Variants in STUM observed in about 807,000 individuals in gnomAD.
The protein encoded by STUM is stum, mechanosensory transduction mediator homolog, also known as protein stum homolog.
In STUM, 8 loss-of-function variants were observed where a neutral mutation model predicts 15.3. The ratio of observed to expected loss-of-function variants is 0.52; its 90% CI spans 0.31 to 0.94. STUM has a LOEUF of 0.94. STUM is among the 40% of genes least tolerant of loss of function. STUM has a pLI of 0.05. For synonymous variants in STUM, 78 were observed against 88.7 expected, an observed-to-expected ratio of 0.88 and a Z score of 0.68; for missense variants, 142 against 204.9, an observed-to-expected ratio of 0.69 and a Z score of 1.87.
rs1283344739 is a variant in STUM at position 226,607,665 on chromosome 1, G to A, written c.*5625G>A. ...TGATGCTACCGCAGAGGGCAGAAAG[G>A]TGCCCTGTAGCGTCCACCATGTGTG... On this transcript the variant is annotated 3_prime_UTR_variant, in exon 4 of 4. Coordinates refer to ENST00000366788, the MANE Select transcript of STUM (RefSeq NM_001003665.4). 1 of 152,210 alleles carries A rather than the reference G, an allele frequency of 6.6e-6. No homozygotes were observed. The highest frequency in any genetic ancestry group is 2.4e-5 in the African/African-American group (1 of 41,434). 9.4% of individuals were successfully genotyped at this position (152,210 alleles called of 1,614,324 possible).
chr1:226,574,702 G>A (rs757042766), intron 1 of STUM, among the ~76,000 whole-genome samples: 4 of 152,232 alleles, frequency 2.6e-5, no homozygotes, highest in African/African-American at 4.8e-5. Flanking sequence ...CCAAAGTGAC[G>A]GGTGACCAGG....
intron 2 of STUM, 60 bp downstream of exon 2, chr1:226,597,041 C>T (rs1224917151): frequency 1.3e-6 from 2 of 1,496,002 alleles, no homozygotes; most frequent in Non-Finnish European, 1.9e-6. Flanking sequence ...ACAGGAAGGG[C>T]TTGGGAGACC....
intron 1 of STUM, among the ~76,000 whole-genome samples, chr1:226,585,178 A>T (rs1037292776): frequency 6.6e-6 from 1 of 152,166 alleles, no homozygotes; most frequent in Non-Finnish European, 1.5e-5. Flanking sequence ...TAATTTTTTT[A>T]AAAGGTGGAG....
At chr1:226,597,111 C>T (rs1022822613) in intron 2 of STUM, 130 bp downstream of exon 2, 48 of 894,982 alleles carry the variant, frequency 5.4e-5, no homozygotes, top group African/African-American at 4.8e-4. Context: ...AGGGCTTGCC[C>T]GTGTCCTCTT....
At chr1:226,591,316 T>C (rs1558286319) in intron 1 of STUM, among the ~76,000 whole-genome samples, 1 of 152,214 alleles carries the variant, frequency 6.6e-6, no homozygotes, top group East Asian at 1.9e-4. Flanking sequence ...GTGCACATGA[T>C]AGAAGTCAGT....
At chr1:226,587,093 C>T (rs371561228) in intron 1 of STUM, among the ~76,000 whole-genome samples, 2 of 152,112 alleles carry the variant, frequency 1.3e-5, no homozygotes, top group African/African-American at 2.4e-5. Flanking sequence ...AGTTCTGTAG[C>T]GCAGCTCCCC....
chr1:226,548,973 G>A lies in STUM; in HGVS notation c.69G>A (p.Arg23=). 3 of 1,514,446 alleles carry A rather than the reference G, an allele frequency of 2.0e-6. No individual in the cohort carries two copies. Among genetic ancestry groups the A allele is most frequent in the Non-Finnish European group, 2.6e-6 (3 of 1,132,976 alleles). 93.8% of individuals were successfully genotyped at this position (1,514,446 alleles called of 1,614,324 possible). A position where few individuals can be genotyped will look rare whatever the true frequency, so the allele number is the denominator to read the frequency against. The change falls in exon 1 of 4, where the codon CGG becomes CGA. Residue 23 remains arginine, a synonymous_variant. Coordinates refer to ENST00000366788, the MANE Select transcript of STUM (RefSeq NM_001003665.4). Reference sequence around the variant, plus strand: ...CGGCGGTGGCGGCGGCGGACCCCCGGGGGGCGTCCTCGTCCAGCGGGGTGG... The same window carrying A: ...CGGCGGTGGCGGCGGCGGACCCCCGAGGGGCGTCCTCGTCCAGCGGGGTGG... ...AAAAVAAADP[R]GASSSSGVVV... is the part of the protein sequence containing the mutation.
intron 1 of STUM, among the ~76,000 whole-genome samples, chr1:226,591,256 C>T (rs1002841579): frequency 6.6e-6 from 1 of 152,170 alleles, no homozygotes; most frequent in African/African-American, 2.4e-5. Flanking sequence ...GACCTGTTGT[C>T]ATAGTTTCCT....
In STUM at chr1:226,549,134, G is replaced by T; in HGVS notation, c.202+28G>T. ...AAGACACGGCTGCCGCGACCCTTGCGACCCCCACCCCGCCGCGGGAGGGCG... is the reference window on the plus strand; with the variant it reads ...AAGACACGGCTGCCGCGACCCTTGCTACCCCCACCCCGCCGCGGGAGGGCG... On this transcript the variant is annotated intron_variant, in intron 1 of 3. Coordinates refer to ENST00000366788, the MANE Select transcript of STUM (RefSeq NM_001003665.4). This position sits in a 1 kb window ranked among gnomAD's most constrained non-coding sequence, Gnocchi z 6.8. 1 of 1,553,074 alleles carries T rather than the reference G, an allele frequency of 6.4e-7. No individual in the cohort carries two copies. Among genetic ancestry groups the T allele is most frequent in the Non-Finnish European group, 8.7e-7 (1 of 1,148,592 alleles).
chr1:226,555,733 A>T (rs936663329), intron 1 of STUM, among the ~76,000 whole-genome samples: 8 of 152,186 alleles, frequency 5.3e-5, no homozygotes, highest in Non-Finnish European at 2.9e-5. Context: ...AGTGAGTCGG[A>T]TTGTGTCACT....
At chr1:226,599,037 C>T (rs58677448) in intron 2 of STUM, among the ~76,000 whole-genome samples, 5,196 of 152,202 alleles carry the variant, frequency 0.034, 97 homozygotes, top group South Asian at 0.05. Flanking sequence ...TGCCGGGAAA[C>T]TCCCATTTTT....
At chr1:226,568,566 T>TAGCAGGC (rs750301895) in intron 1 of STUM, among the ~76,000 whole-genome samples, 2 of 152,206 alleles carry the variant, frequency 1.3e-5, no homozygotes, top group Non-Finnish European at 2.9e-5. Context: ...AAAGCATCAG[T>TAGCAGGC]AGCAGGCAGC....
intron 1 of STUM, among the ~76,000 whole-genome samples, chr1:226,578,626 G>A (rs1005981029): frequency 7.2e-5 from 11 of 152,102 alleles, no homozygotes; most frequent in Non-Finnish European, 1.3e-4. Flanking sequence ...GCCTCCCAAA[G>A]TGCTGGGATT....
rs1668402685 is a variant in STUM, at chr1:226,608,824, C to T, written c.*6784C>T. 6.6e-6 allele frequency: 1 copy of T among 152,380 alleles called. No homozygotes were observed. The highest frequency in any genetic ancestry group is 1.5e-5 in the Non-Finnish European group (1 of 68,160). 9.4% of individuals were successfully genotyped at this position (152,380 alleles called of 1,614,324 possible). ...CCTGCAGCCTGGGGCCCCAGCCCGC[C>T]TGCAGCTCAGCTTTCCCCAACACCC... On this transcript the variant is annotated 3_prime_UTR_variant, in exon 4 of 4. Coordinates refer to ENST00000366788, the MANE Select transcript of STUM (RefSeq NM_001003665.4). This position sits in a 1 kb window ranked among gnomAD's most constrained non-coding sequence, Gnocchi z 4.0.
intron 1 of STUM, among the ~76,000 whole-genome samples, chr1:226,594,053 G>A (rs1308644852): frequency 3.3e-5 from 5 of 152,216 alleles, no homozygotes; most frequent in African/African-American, 4.8e-5. Context: ...ATGAGATGCC[G>A]CCTGAGACCT....
At chr1:226,594,665 T>C (rs1325580140) in intron 1 of STUM, among the ~76,000 whole-genome samples, 10 of 152,174 alleles carry the variant, frequency 6.6e-5, no homozygotes, top group Non-Finnish European at 2.9e-5. Context: ...GATTTTTTTT[T>C]TCTTTTGAGA....
rs1392112312 is a variant in STUM, at chr1:226,604,031, C to G, written c.*1991C>G. 3 of 152,384 alleles carry G rather than the reference C, an allele frequency of 2.0e-5. No homozygotes were observed. The highest frequency in any genetic ancestry group is 4.4e-5 in the Non-Finnish European group (3 of 68,198). 9.4% of individuals were successfully genotyped at this position (152,384 alleles called of 1,614,324 possible). On this transcript the variant is annotated 3_prime_UTR_variant, in exon 4 of 4. Transcript: ENST00000366788. The surrounding 1 kb of genome is among the most constrained non-coding windows in gnomAD (Gnocchi z 4.7). ...CTCTACTCAGATAAAATAGCTTCAG[C>G]TGCAGGAAGCCGCCCCCTCCCATGC...
intron 1 of STUM, among the ~76,000 whole-genome samples, chr1:226,551,643 C>G (rs900374483): frequency 1.4e-4 from 21 of 152,226 alleles, no homozygotes; most frequent in African/African-American, 4.8e-4. Flanking sequence ...AATGCAGCTT[C>G]TTTCAATTCA....
At position 226,601,982 on chromosome 1, in the gene STUM, C is replaced by T. The variant is rs200120506; in HGVS notation, c.392-24C>T. On this transcript the variant is annotated intron_variant, in intron 3 of 3. Coordinates refer to ENST00000366788, the MANE Select transcript of STUM (RefSeq NM_001003665.4). ...CTGAAGTAAGCAGGTGTCTAACCATCTCTCCTTTGCTTCTTCCTCACAGGC... is the reference window on the plus strand; with the variant it reads ...CTGAAGTAAGCAGGTGTCTAACCATTTCTCCTTTGCTTCTTCCTCACAGGC... The T allele has an allele frequency of 3.9e-5, 63 of 1,608,624 alleles. No homozygotes were observed. In the Middle Eastern group the frequency reaches 5.0e-4, roughly 13 times the overall value.
Sources: gnomAD v4.1 joint callset for allele counts (sites outside exome capture counted in the v4.1 genomes callset) on GRCh38, gnomAD v4.1.1 for gene constraint, Gnocchi (gnomAD v3.1) non-coding constraint, MANE v1.5 for transcripts, NCBI Gene and HGNC (gene_info 2026-07-23, HGNC 2026-07-21) for gene names.